Variants in HBS1L observed in about 807,000 individuals in gnomAD.
The protein encoded by HBS1L is HBS1-like protein.
HBS1L carries 55 observed loss-of-function variants against 88.9 expected under a neutral mutation model. The ratio of observed to expected loss-of-function variants is 0.62; its 90% CI spans 0.50 to 0.77. HBS1L has a LOEUF of 0.77. HBS1L is among the 30% of genes least tolerant of loss of function. HBS1L has a pLI of 0.00. For missense variants in HBS1L, 741 were observed against 829.3 expected, an observed-to-expected ratio of 0.89 and a Z score of 1.31; for synonymous variants, 267 against 288.5, an observed-to-expected ratio of 0.93 and a Z score of 0.76.
chr6:134,978,690 T>C lies in HBS1L; in HGVS notation c.1786A>G (p.Lys596Glu), dbSNP rs1774723736. Reference sequence around the variant, plus strand: ...ATTTTGGAACTTACAGGAAATCCTTTAGTGATAGGAATTTCAATATTAAAG... The same window carrying C: ...ATTTTGGAACTTACAGGAAATCCTTCAGTGATAGGAATTTCAATATTAAAG... ...LIFNIEIPITKGFPVLLHYQT... is the reference protein window; with the variant it reads ...LIFNIEIPITEGFPVLLHYQT... The change falls in exon 15 of 18, where the codon AAA becomes GAA. Residue 596 changes from lysine (K) to glutamate (E), a missense_variant. Lys to Glu is a moderately conservative substitution (Grantham distance 56). This residue lies in a region of HBS1L where 181 missense variants were observed against 212.7 expected (regional missense o/e 0.85). Coordinates refer to ENST00000367837, the MANE Select transcript of HBS1L (RefSeq NM_006620.4). The C allele has an allele frequency of 1.9e-6, 3 of 1,562,776 alleles. No individual in the cohort carries two copies. The highest frequency in any genetic ancestry group is 2.6e-6 in the Non-Finnish European group (3 of 1,139,506).
intron 4 of HBS1L, among the ~76,000 whole-genome samples, chr6:135,027,776 A>AT (rs3071559): frequency 0.014 from 2,095 of 149,276 alleles, 33 homozygotes; most frequent in African/African-American, 0.041. Context: ...ATAAAAACTC[A>AT]TTTTTTTTTT....
At chr6:134,969,385 C>G (rs1340856200) in intron 15 of HBS1L, 47 bp from the exon 16 acceptor site, 2 of 1,164,092 alleles carry the variant, frequency 1.7e-6, no homozygotes, top group Admixed American at 3.5e-5. Context: ...CACAGTATCT[C>G]TGGCCTTTTC....
rs552162182 is a variant in HBS1L, at chr6:134,965,961, C to T, written c.2043+368G>A. Reference sequence around the variant, plus strand: ...CAATCATGTGGAGTAATGAAGTACCCTTTAAAATACAATATTCATAAGATT... The same window carrying T: ...CAATCATGTGGAGTAATGAAGTACCTTTTAAAATACAATATTCATAAGATT... On this transcript the variant is annotated intron_variant, in intron 17 of 17. Coordinates refer to ENST00000367837, the MANE Select transcript of HBS1L (RefSeq NM_006620.4). Among the ~76,000 whole-genome samples the T allele has an allele frequency of 3.3e-5, 5 of 152,132 alleles. No individual in the cohort carries two copies. The South Asian group carries it at 8.3e-4, about 25-fold the overall frequency.
intron 4 of HBS1L, chr6:135,037,265 A>C (rs1776584025): frequency 1.3e-6 from 2 of 1,552,050 alleles, no homozygotes; most frequent in Non-Finnish European, 1.7e-6. Context: ...GACTGGTTAC[A>C]AAGGTCAGAT....
chr6:135,012,150 C>CA (rs1344149128), intron 4 of HBS1L, among the ~76,000 whole-genome samples: 2 of 151,794 alleles, frequency 1.3e-5, no homozygotes, highest in Admixed American at 6.6e-5. Context: ...TATGTAATGA[C>CA]AAAAAATTGT....
intron 15 of HBS1L, among the ~76,000 whole-genome samples, chr6:134,978,170 ACT>A (rs1336236839): frequency 6.6e-6 from 1 of 151,980 alleles, no homozygotes; most frequent in East Asian, 1.9e-4. Context: ...ATAAAAACAC[ACT>A]GACATGTAAA....
chr6:135,020,755 C>A (rs533300507), intron 4 of HBS1L, among the ~76,000 whole-genome samples: 1 of 152,004 alleles, frequency 6.6e-6, no homozygotes, highest in South Asian at 2.1e-4. Flanking sequence ...AAAATCATAT[C>A]TTTTATATAA....
chr6:135,038,071 T>C (rs955599162), intron 4 of HBS1L: 29 of 1,406,898 alleles, frequency 2.1e-5, no homozygotes, highest in Non-Finnish European at 2.5e-5. Flanking sequence ...TAGGTTGATA[T>C]ACGCAGAAGA....
At chr6:134,998,575 C>G (rs991658656) in intron 5 of HBS1L, among the ~76,000 whole-genome samples, 1 of 152,196 alleles carries the variant, frequency 6.6e-6, no homozygotes, top group Non-Finnish European at 1.5e-5. Context: ...CTATGTGGAG[C>G]TGGCAAAGAA....
intron 4 of HBS1L, among the ~76,000 whole-genome samples, chr6:135,013,971 A>T (rs1775845257): frequency 6.6e-6 from 1 of 152,166 alleles, no homozygotes; most frequent in South Asian, 2.1e-4. Flanking sequence ...ATACGATGAC[A>T]TTTTATATCA....
chr6:135,003,876 GAATA>G (rs140462362), intron 4 of HBS1L, among the ~76,000 whole-genome samples: 96 of 151,880 alleles, frequency 6.3e-4, no homozygotes, highest in Middle Eastern at 3.4e-3. Context: ...AAAAATAAAT[GAATA>G]AATAAATAAA....
intron 16 of HBS1L, 46 bp from the exon 17 acceptor site, chr6:134,966,519 T>A: frequency 1.6e-6 from 2 of 1,225,226 alleles, no homozygotes; most frequent in African/African-American, 1.5e-5. Context: ...TAGAGGTGAA[T>A]AAATGTAATA....
intron 15 of HBS1L, among the ~76,000 whole-genome samples, chr6:134,978,269 C>A (rs1028063805): frequency 6.6e-6 from 1 of 151,928 alleles, no homozygotes; most frequent in Non-Finnish European, 1.5e-5. Context: ...CAATCTATAA[C>A]TTTTATTATC....
chr6:134,979,000 A>G (rs1404636871), intron 14 of HBS1L, among the ~76,000 whole-genome samples, 178 bp downstream of exon 14: 1 of 152,132 alleles, frequency 6.6e-6, no homozygotes, highest in Non-Finnish European at 1.5e-5. Context: ...GCACATGCCA[A>G]GTATGTGTGC....
intron 13 of HBS1L, among the ~76,000 whole-genome samples, chr6:134,980,164 A>G (rs1774786460): frequency 6.6e-6 from 1 of 152,040 alleles, no homozygotes; most frequent in African/African-American, 2.4e-5. Flanking sequence ...TGATTGACAC[A>G]TTGACATGTT....
chr6:134,998,768 T>C (rs897770666), intron 5 of HBS1L, among the ~76,000 whole-genome samples: 9 of 152,200 alleles, frequency 5.9e-5, no homozygotes, highest in African/African-American at 9.7e-5. Context: ...AGAGTCACAA[T>C]AGTTATATTT....
chr6:135,037,096 A>G, intron 4 of HBS1L: 1 of 1,551,640 alleles, frequency 6.4e-7, no homozygotes, highest in South Asian at 1.2e-5. Context: ...CAATTCAGAA[A>G]GTGACAAATT....
chr6:135,028,179 T>C (rs1776288078), intron 4 of HBS1L, among the ~76,000 whole-genome samples: 2 of 151,192 alleles, frequency 1.3e-5, no homozygotes, highest in African/African-American at 4.9e-5. Flanking sequence ...TACCCAAACT[T>C]ACAAAGTAAT....
Position 135,002,737 on chromosome 6 carries a change from G to C in HBS1L, c.536C>G (p.Pro179Arg), listed in dbSNP as rs760782185. The C allele has an allele frequency of 1.2e-6, 2 of 1,602,090 alleles. No individual in the cohort carries two copies. Among genetic ancestry groups the C allele is most frequent in the Non-Finnish European group, 8.6e-7 (1 of 1,169,540 alleles). Residue 179 changes from proline to arginine, a missense_variant, in exon 5 of 18, where the codon CCT becomes CGT. Transcript: ENST00000367837. ...AGGGAGGTACTCAAAGTCTTACCCA[G>C]GCACTTCAAATCCCATAGTTTGCTT... is the stretch of plus-strand genomic sequence containing the variant. ...GKKQTMGFEV[P>R]GVSSEENGHS...
Sources: gnomAD v4.1 joint callset for allele counts (sites outside exome capture counted in the v4.1 genomes callset) on GRCh38, gnomAD v4.1.1 for gene constraint, gnomAD v4.1.1 regional missense constraint, MANE v1.5 for transcripts, NCBI Gene and HGNC (gene_info 2026-07-23, HGNC 2026-07-21) for gene names.